Variants in DLGAP1 observed in about 807,000 individuals in gnomAD.
DLGAP1 encodes disks large-associated protein 1.
In DLGAP1, 11 loss-of-function variants were observed where a neutral mutation model predicts 90.8. The observed-to-expected ratio is 0.12, with a 90% confidence interval of 0.08 to 0.20. DLGAP1 has a LOEUF of 0.20. DLGAP1 is among the 10% of genes least tolerant of loss of function. DLGAP1 has a pLI of 1.00. For synonymous variants in DLGAP1, 558 were observed against 540.7 expected, an observed-to-expected ratio of 1.03 and a Z score of -0.44; for missense variants, 1,050 against 1,333.8, an observed-to-expected ratio of 0.79 and a Z score of 3.31.
chr18:4,286,762 C>T (rs577735008), intron 1 of DLGAP1, among the ~76,000 whole-genome samples: 115 of 152,024 alleles, frequency 7.6e-4, no homozygotes, highest in African/African-American at 2.5e-3. Flanking sequence ...AGGAAGGTTA[C>T]AGAAAATAAG....
chr18:4,101,113 C>T (rs76383412), intron 2 of DLGAP1, among the ~76,000 whole-genome samples: 3,156 of 152,290 alleles, frequency 0.021, 59 homozygotes, highest in East Asian at 0.099. Context: ...GTGCAAGAGG[C>T]CTAGCTTTTG....
chr18:3,685,591 A>T (rs1296712198), intron 7 of DLGAP1, among the ~76,000 whole-genome samples: 1 of 141,396 alleles, frequency 7.1e-6, no homozygotes, highest in African/African-American at 2.8e-5. Context: ...AAAAAAAAAA[A>T]TCCAGAGACG....
At chr18:3,701,972 T>C (rs2061293518) in intron 7 of DLGAP1, among the ~76,000 whole-genome samples, 2 of 152,236 alleles carry the variant, frequency 1.3e-5, no homozygotes, top group African/African-American at 4.8e-5. Flanking sequence ...GATATCGGGG[T>C]AAGGTTGAGA....
At chr18:3,504,151 C>T (rs2050089247) in intron 11 of DLGAP1, among the ~76,000 whole-genome samples, 1 of 151,844 alleles carries the variant, frequency 6.6e-6, no homozygotes, top group Non-Finnish European at 1.5e-5. Flanking sequence ...ATTTATAGTT[C>T]CTAAAGTGCC....
At chr18:4,374,289 T>C (rs981159972) in intron 1 of DLGAP1, among the ~76,000 whole-genome samples, 7 of 152,146 alleles carry the variant, frequency 4.6e-5, no homozygotes, top group Admixed American at 1.3e-4. Context: ...AAATGTAACT[T>C]AGAAATTTTA....
chr18:3,871,201 G>C (rs1048809378), intron 4 of DLGAP1, among the ~76,000 whole-genome samples: 7 of 152,144 alleles, frequency 4.6e-5, no homozygotes, highest in Non-Finnish European at 8.8e-5. Flanking sequence ...TATTTCCTTA[G>C]GATTTTTCTC....
At chr18:4,006,555 A>G (rs1421109352) in intron 2 of DLGAP1, among the ~76,000 whole-genome samples, 1 of 152,040 alleles carries the variant, frequency 6.6e-6, no homozygotes, top group African/African-American at 2.4e-5. Context: ...AGGAGGGTTA[A>G]TCATAGTTAT....
chr18:4,328,652 A>C (rs557476), intron 1 of DLGAP1, among the ~76,000 whole-genome samples: 1 of 151,910 alleles, frequency 6.6e-6, no homozygotes, highest in Non-Finnish European at 1.5e-5. Context: ...ACCATTGTGC[A>C]TTTCTACCAG....
At chr18:4,350,491 T>C (rs1396608677) in intron 1 of DLGAP1, among the ~76,000 whole-genome samples, 1 of 152,144 alleles carries the variant, frequency 6.6e-6, no homozygotes, top group Non-Finnish European at 1.5e-5. Context: ...TTATAAAATT[T>C]CCAGAATTTT....
At chr18:4,049,912 G>GTCCA (rs57986910) in intron 2 of DLGAP1, among the ~76,000 whole-genome samples, 12,084 of 148,776 alleles carry the variant, frequency 0.081, 555 homozygotes, top group Non-Finnish European at 0.1. Context: ...CCATCCAACG[G>GTCCA]TCCATCCATC....
At chr18:3,741,040 ACC>A (rs1213699666) in intron 6 of DLGAP1, among the ~76,000 whole-genome samples, 3 of 63,344 alleles carry the variant, frequency 4.7e-5, no homozygotes, top group Non-Finnish European at 9.4e-5. Context: ...CACCACCATC[ACC>A]TCACCACCAC....
At chr18:4,035,420 A>G (rs1051314396) in intron 2 of DLGAP1, among the ~76,000 whole-genome samples, 3 of 152,208 alleles carry the variant, frequency 2.0e-5, no homozygotes, top group Non-Finnish European at 2.9e-5. Context: ...AGGATTAAAG[A>G]TACTGAAATA....
intron 2 of DLGAP1, among the ~76,000 whole-genome samples, chr18:4,089,175 CA>C (rs2075730994): frequency 6.6e-6 from 1 of 152,000 alleles, no homozygotes; most frequent in Non-Finnish European, 1.5e-5. Context: ...AACAGAGAGC[CA>C]AATCATGAAT....
At chr18:3,881,867 C>G (rs917425635) in intron 3 of DLGAP1, among the ~76,000 whole-genome samples, 6 of 152,140 alleles carry the variant, frequency 3.9e-5, no homozygotes, top group Non-Finnish European at 8.8e-5. Context: ...GAGCCGAGAT[C>G]GTGCCACTGC....
chr18:4,139,473 G>A (rs1038132395), intron 2 of DLGAP1, among the ~76,000 whole-genome samples: 1 of 151,982 alleles, frequency 6.6e-6, no homozygotes, highest in African/African-American at 2.4e-5. Flanking sequence ...CAACTGTGGT[G>A]AGAGGATACT....
chr18:4,292,709 C>G (rs561819646), intron 1 of DLGAP1, among the ~76,000 whole-genome samples: 1 of 152,182 alleles, frequency 6.6e-6, no homozygotes, highest in Admixed American at 6.6e-5. Context: ...AAAATTCTTG[C>G]AACTAAATAT....
At chr18:3,634,943 GAATAACA>G (rs1437084417) in intron 7 of DLGAP1, among the ~76,000 whole-genome samples, 1 of 152,140 alleles carries the variant, frequency 6.6e-6, no homozygotes, top group Non-Finnish European at 1.5e-5. Context: ...GAGGCGTGTT[GAATAACA>G]TTAGAAAAGA....
At chr18:4,049,090 G>T (rs1379421616) in intron 2 of DLGAP1, among the ~76,000 whole-genome samples, 24 of 151,976 alleles carry the variant, frequency 1.6e-4, no homozygotes, top group Non-Finnish European at 1.5e-5. Flanking sequence ...AGCTGGGTGT[G>T]GTGGCACATC....
chr18:3,739,805 A>G (rs1357835747), intron 6 of DLGAP1, among the ~76,000 whole-genome samples: 1 of 152,178 alleles, frequency 6.6e-6, no homozygotes, highest in Non-Finnish European at 1.5e-5. Flanking sequence ...ATACTGTGTT[A>G]CTTGAAAATT....
Sources: allele counts gnomAD v4.1 joint callset (sites outside exome capture counted in the v4.1 genomes callset), GRCh38; gene constraint gnomAD v4.1.1; transcripts MANE v1.5; gene names NCBI Gene and HGNC (gene_info 2026-07-23, HGNC 2026-07-21).